TMEM59: variants seen among roughly 807,000 people sequenced by gnomAD.
TMEM59 encodes dendritic cell factor 1.
TMEM59 carries 44 observed loss-of-function variants against 42.2 expected under a neutral mutation model. The ratio of observed to expected loss-of-function variants is 1.04; its 90% confidence interval spans 0.82 to 1.34. TMEM59 has a LOEUF of 1.34. TMEM59 is among the 40% of genes most tolerant of loss of function. TMEM59 has a pLI of 0.00. For missense variants in TMEM59, 359 were observed against 382.8 expected (o/e 0.94, Z 0.52); for synonymous variants, 148 against 145.8 (o/e 1.02, Z -0.11).
chr1:54,051,320 T>C (rs1657530381), intron 1 of TMEM59, among the ~76,000 whole-genome samples: 1 of 152,162 alleles, frequency 6.6e-6, no homozygotes, highest in African/African-American at 2.4e-5. Context: ...AGGGTTGTTG[T>C]GAGAATTAGG....
At chr1:54,044,125 G>C (rs1490076068) in intron 3 of TMEM59, 1 of 151,766 alleles carries the variant, frequency 6.6e-6, no homozygotes, top group Non-Finnish European at 1.5e-5. Context: ...GGTGGATCAC[G>C]AGGTCAAGAG....
intron 3 of TMEM59, 47 bp downstream of exon 3, chr1:54,045,641 AAGTC>A (rs1657303651): frequency 3.2e-6 from 5 of 1,545,408 alleles, no homozygotes; most frequent in Non-Finnish European, 4.5e-6. Context: ...CAAGCAATAC[AAGTC>A]AGTGCCATCT....
rs534946645 is a variant in TMEM59 at position 54,028,908 on chromosome 1, A to G, written c.*3242T>C. ...GAATGGTTAAATTGTGGATCTATAA[A>G]GGCAGAACTGAGCAAAATTACTGCC... On this transcript the variant is annotated 3_prime_UTR_variant, in exon 8 of 8. Transcript: ENST00000234831. 3 of 152,316 alleles carry G rather than the reference A, an allele frequency of 2.0e-5. No homozygotes were observed. The highest frequency in any genetic ancestry group is 4.1e-4 in the South Asian group (2 of 4,822). The allele number at this position is 152,316 out of a possible 1,614,324, so 9.4% of individuals were successfully genotyped here.
intron 6 of TMEM59, among the ~76,000 whole-genome samples, chr1:54,039,915 C>G (rs1452184255): frequency 6.6e-6 from 1 of 152,116 alleles, no homozygotes; most frequent in Non-Finnish European, 1.5e-5. Flanking sequence ...AAACCTGCCT[C>G]TCACCCTCAT....
At chr1:54,042,046 G>GTTTT (rs1253767145) in intron 4 of TMEM59, among the ~76,000 whole-genome samples, 2 of 142,682 alleles carry the variant, frequency 1.4e-5, no homozygotes, top group African/African-American at 5.7e-5. Context: ...TCCTGACAAC[G>GTTTT]TTTTGTTTTG....
In TMEM59 at chr1:54,045,676, C is replaced by T; in HGVS notation, c.390+16G>A. On this transcript the variant is annotated intron_variant, in intron 3 of 7. Coordinates refer to ENST00000234831, the MANE Select transcript of TMEM59 (RefSeq NM_004872.5). ...CATCTAAGCAGGCTAGTTTGAAAGG[C>T]AGTATTGTTTCGTACTTGTTCTTGT... 11 of 1,612,976 alleles carry T rather than the reference C, an allele frequency of 6.8e-6. No individual in the cohort carries two copies. The highest frequency in any genetic ancestry group is 1.1e-5 in the South Asian group (1 of 91,050).
chr1:54,041,860 TAAC>T (rs1348238786), intron 4 of TMEM59, 55 bp from the exon 5 acceptor site: 2 of 1,350,600 alleles, frequency 1.5e-6, no homozygotes, highest in Non-Finnish European at 2.1e-6. Flanking sequence ...CTTTTTTCAG[TAAC>T]AAGTTCTAAA....
In TMEM59 at chr1:54,031,209, C is replaced by T. The variant is rs1310292724; in HGVS notation, c.*941G>A. 1.3e-5 allele frequency: 2 copies of T among 152,212 alleles called. No homozygotes were observed. The highest frequency in any genetic ancestry group is 2.9e-5 in the Non-Finnish European group (2 of 68,050). 9.4% of individuals were successfully genotyped at this position (152,212 alleles called of 1,614,324 possible). On this transcript the variant is annotated 3_prime_UTR_variant, in exon 8 of 8. Coordinates refer to ENST00000234831, the MANE Select transcript of TMEM59 (RefSeq NM_004872.5). ...GAGGTTGTAGTGAGCCAAGATCATA[C>T]CATTGCACTCCAGCCTCAGCAACAA...
intron 5 of TMEM59, among the ~76,000 whole-genome samples, chr1:54,041,097 G>T (rs560133302): frequency 3.9e-5 from 6 of 152,176 alleles, no homozygotes; most frequent in African/African-American, 1.4e-4. Flanking sequence ...CTTGGATTTG[G>T]TTTATTCTAA....
At chr1:54,038,338 C>A (rs976170061) in intron 6 of TMEM59, among the ~76,000 whole-genome samples, 1 of 152,144 alleles carries the variant, frequency 6.6e-6, no homozygotes, top group African/African-American at 2.4e-5. Context: ...ACCTGTCAAT[C>A]CTCCCCTTGA....
At position 54,050,539 on chromosome 1, in the gene TMEM59, A is replaced by C. The variant is rs148890637; in HGVS notation, c.189+2461T>G. On this transcript the variant is annotated intron_variant, in intron 1 of 7. Coordinates refer to ENST00000234831, the MANE Select transcript of TMEM59 (RefSeq NM_004872.5). ...ACAAAGCACAGAGGAGAGCCAATAG[A>C]AATCAGTGACATAATTAAATATGTT... Among the ~76,000 whole-genome samples the C allele has an allele frequency of 2.4e-3, 362 of 151,770 alleles. 2 individuals carry two copies. Among genetic ancestry groups the C allele is most frequent in the African/African-American group, 8.3e-3 (343 of 41,324 alleles).
chr1:54,051,863 T>G (rs1481667641), intron 1 of TMEM59, among the ~76,000 whole-genome samples: 1 of 152,226 alleles, frequency 6.6e-6, no homozygotes, highest in Non-Finnish European at 1.5e-5. Context: ...TGAAAATTGA[T>G]AATCTCCATG....
At chr1:54,037,220 C>T (rs1456613568) in intron 6 of TMEM59, among the ~76,000 whole-genome samples, 1 of 152,138 alleles carries the variant, frequency 6.6e-6, no homozygotes, top group Non-Finnish European at 1.5e-5. Context: ...TTCAATTTGC[C>T]ATAATTTACT....
intron 7 of TMEM59, chr1:54,032,999 C>T (rs1308759310): frequency 1.3e-5 from 2 of 150,998 alleles, no homozygotes; most frequent in Non-Finnish European, 2.9e-5. Flanking sequence ...GATCATAGCT[C>T]ACTACTAGGC....
chr1:54,053,476 T>C (rs1657663132), upstream of TMEM59: 1 of 416,278 alleles, frequency 2.4e-6, no homozygotes, highest in Admixed American at 4.1e-5. Flanking sequence ...CTGGGGCATG[T>C]AGTTCTCCGT....
chr1:54,047,047 C>T (rs1002583108), intron 2 of TMEM59, among the ~76,000 whole-genome samples: 7 of 152,156 alleles, frequency 4.6e-5, no homozygotes, highest in Non-Finnish European at 1.0e-4. Flanking sequence ...GTGTCCTATT[C>T]ATAGCAGAAA....
chr1:54,042,061 T>TG (rs1557677070), intron 4 of TMEM59, among the ~76,000 whole-genome samples: 1 of 151,056 alleles, frequency 6.6e-6, no homozygotes, highest in East Asian at 1.9e-4. Context: ...GTTTTGTTTT[T>TG]TTTTTTTTTT....
intron 7 of TMEM59, 120 bp from the exon 8 acceptor site, chr1:54,032,425 A>T: frequency 1.0e-6 from 1 of 979,692 alleles, no homozygotes; most frequent in Non-Finnish European, 1.4e-6. Context: ...AAACAACTTT[A>T]AGAAAGAAGA....
Position 54,028,772 on chromosome 1 carries a change from CATT to C in TMEM59, c.*3375_*3377del, listed in dbSNP as rs1371507561. The C allele has an allele frequency of 2.0e-5, 3 of 152,204 alleles. No individual in the cohort carries two copies. Among genetic ancestry groups the C allele is most frequent in the African/African-American group, 7.2e-5 (3 of 41,432 alleles). The allele number at this position is 152,204 out of a possible 1,614,324, so 9.4% of individuals were successfully genotyped here. ...CTGTGCTTGGTCATAGCACTTATCA[CATT>C]AATAATAGTCTCCTTCAGAGTCTCA... On this transcript the variant is annotated 3_prime_UTR_variant, in exon 8 of 8. Coordinates refer to ENST00000234831, the MANE Select transcript of TMEM59 (RefSeq NM_004872.5).
Sources: gnomAD v4.1 joint callset for allele counts (sites outside exome capture counted in the v4.1 genomes callset) on GRCh38, gnomAD v4.1.1 for gene constraint, MANE v1.5 for transcripts, NCBI Gene and HGNC (gene_info 2026-07-23, HGNC 2026-07-21) for gene names.